The following FARP1 variants were observed in gnomAD, a reference collection of about 807,000 sequenced individuals.
The protein encoded by FARP1 is FERM, ARH/RhoGEF and pleckstrin domain protein 1, also known as FERM, ARHGEF and pleckstrin domain-containing protein 1.
A neutral mutation model predicts 128.8 loss-of-function variants in FARP1; 52 were observed. The ratio of observed to expected loss-of-function variants is 0.40; its 90% CI spans 0.32 to 0.51. The LOEUF is 0.51. FARP1 is among the 20% of genes least tolerant of loss of function. The pLI is 0.45. For missense variants in FARP1, 1,333 were observed against 1,367.9 expected, an observed-to-expected ratio of 0.97 and a Z score of 0.40; for synonymous variants, 580 against 551.8, an observed-to-expected ratio of 1.05 and a Z score of -0.72.
intron 1 of FARP1, among the ~76,000 whole-genome samples, chr13:98,212,150 G>A (rs1566747205): frequency 1.3e-5 from 2 of 152,348 alleles, no homozygotes; most frequent in South Asian, 4.1e-4. Context: ...CCACCTCCTG[G>A]CTTCAAGCGA....
At chr13:98,252,400 A>G (rs563953198) in intron 2 of FARP1, among the ~76,000 whole-genome samples, 2 of 152,322 alleles carry the variant, frequency 1.3e-5, no homozygotes, top group East Asian at 1.9e-4. Flanking sequence ...GGTAGGTTCA[A>G]TAGAACGTTC....
chr13:98,288,587 A>G (rs2139655643), intron 2 of FARP1, among the ~76,000 whole-genome samples: 1 of 152,312 alleles, frequency 6.6e-6, no homozygotes, highest in Non-Finnish European at 1.5e-5. Flanking sequence ...TCCTTTAAAT[A>G]GATTCTGAGG....
chr13:98,319,982 T>A (rs1374161703), intron 2 of FARP1, among the ~76,000 whole-genome samples: 1 of 152,172 alleles, frequency 6.6e-6, no homozygotes, highest in Non-Finnish European at 1.5e-5. Flanking sequence ...AGGAAATTGA[T>A]CCTCACATTA....
chr13:98,332,038 G>A (rs1887531246), intron 2 of FARP1, among the ~76,000 whole-genome samples: 1 of 151,852 alleles, frequency 6.6e-6, no homozygotes, highest in Admixed American at 6.6e-5. Context: ...CAGTATTTTC[G>A]GATATGCTTT....
At chr13:98,414,951 A>C (rs1891321350) in intron 16 of FARP1, among the ~76,000 whole-genome samples, 1 of 152,216 alleles carries the variant, frequency 6.6e-6, no homozygotes, top group African/African-American at 2.4e-5. Context: ...CAGAGGACAA[A>C]ATTGAAACAA....
intron 13 of FARP1, chr13:98,400,689 A>G (rs1890726999): frequency 1.3e-5 from 2 of 152,324 alleles, no homozygotes; most frequent in Admixed American, 6.5e-5. Context: ...TTAAAGTTAC[A>G]TTCCCCAGAA....
At chr13:98,349,637 C>T (rs2139900224) in intron 3 of FARP1, among the ~76,000 whole-genome samples, 1 of 132,012 alleles carries the variant, frequency 7.6e-6, no homozygotes, top group South Asian at 2.6e-4. Flanking sequence ...CACCACTGCA[C>T]TCAAGCTTGG....
chr13:98,376,171 A>G (rs1889574607), intron 5 of FARP1, among the ~76,000 whole-genome samples: 1 of 152,186 alleles, frequency 6.6e-6, no homozygotes, highest in South Asian at 2.1e-4. Flanking sequence ...TTTTTAAAGT[A>G]TAGTAAATTA....
At chr13:98,443,979 A>G (rs567338653) in intron 24 of FARP1, among the ~76,000 whole-genome samples, 1 of 54,240 alleles carries the variant, frequency 1.8e-5, no homozygotes, top group African/African-American at 5.2e-5. Flanking sequence ...GGGTGAGGCC[A>G]CAGAAACATC....
chr13:98,407,300 C>T (rs1359475208), intron 13 of FARP1: 1 of 152,270 alleles, frequency 6.6e-6, no homozygotes, highest in African/African-American at 2.4e-5. Context: ...CAGAATTTCT[C>T]TCTTCTAATT....
At chr13:98,195,443 C>T (rs748753455) in intron 1 of FARP1, among the ~76,000 whole-genome samples, 33 of 152,122 alleles carry the variant, frequency 2.2e-4, no homozygotes, top group Non-Finnish European at 4.1e-4. Context: ...CTCAGTATTA[C>T]GGGAAGCTCT....
In FARP1 at chr13:98,452,983, T is replaced by G. The variant is rs1306055992; in HGVS notation, c.*4666T>G. The G allele has an allele frequency of 1.9e-6, 1 of 531,804 alleles. No individual in the cohort carries two copies. The highest frequency in any genetic ancestry group is 3.3e-6 in the Non-Finnish European group (1 of 303,716). 32.9% of individuals were successfully genotyped at this position (531,804 alleles called of 1,614,324 possible). A position where few individuals can be genotyped will look rare whatever the true frequency, so the allele number is the denominator to read the frequency against. On this transcript the variant is annotated 3_prime_UTR_variant, in exon 27 of 27. Coordinates refer to ENST00000319562, the MANE Select transcript of FARP1 (RefSeq NM_005766.4). Reference sequence around the variant, plus strand: ...GGAAGGAGCTGACCCTCCCCACCCATCTGAGAGACTTCATCTGGCTGCAGC... The same window carrying G: ...GGAAGGAGCTGACCCTCCCCACCCAGCTGAGAGACTTCATCTGGCTGCAGC...
intron 2 of FARP1, among the ~76,000 whole-genome samples, chr13:98,322,720 G>A (rs1220247293): frequency 4.6e-5 from 7 of 152,208 alleles, no homozygotes; most frequent in South Asian, 4.1e-4. Flanking sequence ...CAGCTCAGCC[G>A]AGGACTTTCT....
intron 2 of FARP1, among the ~76,000 whole-genome samples, chr13:98,339,998 G>T (rs1382462475): frequency 2.6e-5 from 4 of 152,006 alleles, no homozygotes; most frequent in Non-Finnish European, 5.9e-5. Flanking sequence ...GGAGTACCCA[G>T]TGTAGATGTT....
At chr13:98,376,759 G>GTTTTTTT in intron 5 of FARP1, among the ~76,000 whole-genome samples, 1 of 103,452 alleles carries the variant, frequency 9.7e-6, no homozygotes, top group Non-Finnish European at 1.9e-5. Flanking sequence ...GGTTTTTTGT[G>GTTTTTTT]TTTTTTTTTT....
At chr13:98,324,086 T>G (rs1201444376) in intron 2 of FARP1, among the ~76,000 whole-genome samples, 1 of 152,250 alleles carries the variant, frequency 6.6e-6, no homozygotes, top group Admixed American at 6.5e-5. Context: ...TCGTAAAGTT[T>G]CATTAAAGAG....
rs748069927 is a variant in FARP1, at chr13:98,446,056, C to T, written c.2797-42C>T. On this transcript the variant is annotated intron_variant, in intron 24 of 26. Transcript: ENST00000319562. ...AGCTGCTCTCTGTGCCCTCCTGGGG[C>T]AGGTGCCCGCTGTGCTTCTCACAGG... is the stretch of plus-strand genomic sequence containing the variant. 13 of 1,348,836 alleles carry T rather than the reference C, an allele frequency of 9.6e-6. No individual in the cohort carries two copies. In the East Asian group the frequency reaches 3.0e-4, roughly 31 times the overall value. The allele number at this position is 1,348,836 out of a possible 1,614,324, so 83.6% of individuals were successfully genotyped here. A position where few individuals can be genotyped will look rare whatever the true frequency, so the allele number is the denominator to read the frequency against.
chr13:98,168,739 A>G (rs1877453066), intron 1 of FARP1, among the ~76,000 whole-genome samples: 1 of 152,070 alleles, frequency 6.6e-6, no homozygotes, highest in Admixed American at 6.6e-5. Context: ...CCCTTCCCAA[A>G]GTGATTGGAG....
chr13:98,211,811 C>T (rs537393394), intron 1 of FARP1, among the ~76,000 whole-genome samples: 14 of 152,332 alleles, frequency 9.2e-5, no homozygotes, highest in African/African-American at 2.9e-4. Flanking sequence ...AAATATGCAG[C>T]CACATATAAA....
Sources: allele counts gnomAD v4.1 joint callset (sites outside exome capture counted in the v4.1 genomes callset), GRCh38; gene constraint gnomAD v4.1.1; transcripts MANE v1.5; gene names NCBI Gene and HGNC (gene_info 2026-07-23, HGNC 2026-07-21).